The following ITGBL1 variants were observed in gnomAD, a reference collection of about 807,000 sequenced individuals.
ITGBL1 encodes the protein integrin subunit beta like 1, also known as integrin beta-like protein 1.
ITGBL1 carries 51 observed loss-of-function variants against 68.5 expected under a neutral mutation model. That is an observed-to-expected ratio of 0.74 (90% CI 0.59 to 0.94). ITGBL1 has a LOEUF of 0.94. Ranked by LOEUF, ITGBL1 falls within the 40% of genes least tolerant of loss-of-function variation. The pLI is 0.00. For missense variants in ITGBL1, 649 were observed against 647.4 expected (o/e 1.00, Z -0.03); for synonymous variants, 209 against 227.3 (o/e 0.92, Z 0.72).
intron 2 of ITGBL1, 96 bp downstream of exon 2, chr13:101,454,196 T>A: frequency 1.3e-5 from 10 of 780,866 alleles, no homozygotes; most frequent in Non-Finnish European, 1.7e-5. Flanking sequence ...GGGACACGCC[T>A]CCCTTCACAT....
intron 7 of ITGBL1, among the ~76,000 whole-genome samples, chr13:101,613,575 T>A (rs1485835407): frequency 1.3e-5 from 2 of 151,978 alleles, no homozygotes; most frequent in Non-Finnish European, 2.9e-5. Flanking sequence ...GATTGGAGTA[T>A]TGAAAGTGGG....
chr13:101,628,437 C>CTTT (rs986031242), intron 7 of ITGBL1, among the ~76,000 whole-genome samples: 3 of 139,630 alleles, frequency 2.1e-5, no homozygotes, highest in Non-Finnish European at 4.7e-5. Context: ...TTTTCTTTTT[C>CTTT]TTTTTTTTTT....
chr13:101,558,800 G>T (rs1293888242), intron 2 of ITGBL1, among the ~76,000 whole-genome samples: 2 of 152,114 alleles, frequency 1.3e-5, no homozygotes, highest in East Asian at 3.9e-4. Context: ...AAAATTAAAA[G>T]ATTAACCATC....
At chr13:101,597,901 G>A (rs1179291693) in intron 6 of ITGBL1, among the ~76,000 whole-genome samples, 10 of 151,946 alleles carry the variant, frequency 6.6e-5, no homozygotes, top group Non-Finnish European at 1.5e-4. Flanking sequence ...CATGCACCTG[G>A]AATTTGACAG....
rs538931203 is a variant in ITGBL1, at chr13:101,467,756, C to T, written c.316+13656C>T. On this transcript the variant is annotated intron_variant, in intron 2 of 10. Coordinates refer to ENST00000376180, the MANE Select transcript of ITGBL1 (RefSeq NM_004791.3). ...TCAGTCCCTGTACCAAGAGCCCTAT[C>T]GTTGTAATTGTTTGTACATAGTCAC... 4.8e-4 allele frequency among the ~76,000 whole-genome samples: 73 copies of T among 152,240 alleles called. 1 individual carries two copies. The highest frequency in any genetic ancestry group is 1.7e-3 in the African/African-American group (70 of 41,546).
intron 5 of ITGBL1, among the ~76,000 whole-genome samples, chr13:101,581,190 C>T (rs1279996977): frequency 6.6e-6 from 1 of 152,134 alleles, no homozygotes; most frequent in Non-Finnish European, 1.5e-5. Flanking sequence ...AACAAATGTC[C>T]TCTATTGCCC....
chr13:101,610,074 C>G (rs2139364542), intron 7 of ITGBL1, among the ~76,000 whole-genome samples: 1 of 152,134 alleles, frequency 6.6e-6, no homozygotes, highest in South Asian at 2.1e-4. Flanking sequence ...CCAATTTCTC[C>G]AGGCAAGCTT....
intron 6 of ITGBL1, among the ~76,000 whole-genome samples, chr13:101,594,661 A>G (rs2050712807): frequency 6.6e-6 from 1 of 152,228 alleles, no homozygotes; most frequent in African/African-American, 2.4e-5. Flanking sequence ...GGAATGAGAG[A>G]AAATATTTGC....
At chr13:101,536,258 C>T (rs2049574593) in intron 2 of ITGBL1, among the ~76,000 whole-genome samples, 2 of 152,028 alleles carry the variant, frequency 1.3e-5, no homozygotes, top group South Asian at 4.1e-4. Flanking sequence ...TCCCTGAAGT[C>T]AGGCTTACTA....
intron 2 of ITGBL1, among the ~76,000 whole-genome samples, chr13:101,454,412 C>T (rs868056194): frequency 1.7e-5 from 2 of 119,832 alleles, no homozygotes; most frequent in Non-Finnish European, 3.6e-5. Flanking sequence ...CCCCCCCCCC[C>T]CCCAACTCCT....
At position 101,536,181 on chromosome 13, in the gene ITGBL1, C is replaced by T. The variant is rs903052359; in HGVS notation, c.317-31518C>T. 1.6e-4 allele frequency among the ~76,000 whole-genome samples: 24 copies of T among 151,728 alleles called. 1 individual carries two copies. Among genetic ancestry groups the T allele is most frequent in the African/African-American group, 4.8e-4 (20 of 41,348 alleles). ...GCCCTTTTCTTTTAAAAGGACTCTG[C>T]GTGGCAAATAATCAAAAGACTAGGC... On this transcript the variant is annotated intron_variant, in intron 2 of 10. Coordinates refer to ENST00000376180, the MANE Select transcript of ITGBL1 (RefSeq NM_004791.3).
chr13:101,503,542 G>T (rs956212250), intron 2 of ITGBL1, among the ~76,000 whole-genome samples: 2 of 152,148 alleles, frequency 1.3e-5, no homozygotes, highest in Admixed American at 6.5e-5. Flanking sequence ...TGCAGAGTTT[G>T]TTCATGGTTA....
chr13:101,585,727 G>C (rs2050544416), intron 6 of ITGBL1, among the ~76,000 whole-genome samples: 1 of 152,078 alleles, frequency 6.6e-6, no homozygotes, highest in Non-Finnish European at 1.5e-5. Context: ...ACCTCCCCCG[G>C]CGGCAATGTC....
At chr13:101,576,692 C>T (rs763199468) in intron 4 of ITGBL1, among the ~76,000 whole-genome samples, 3 of 152,158 alleles carry the variant, frequency 2.0e-5, no homozygotes, top group Non-Finnish European at 4.4e-5. Flanking sequence ...GCTTCAATTC[C>T]TGTGAGTCAT....
intron 7 of ITGBL1, among the ~76,000 whole-genome samples, chr13:101,681,497 A>C (rs962707090): frequency 2.6e-5 from 4 of 152,156 alleles, no homozygotes; most frequent in African/African-American, 9.7e-5. Context: ...TTCCTGAATT[A>C]GTTATCTGAG....
intron 7 of ITGBL1, among the ~76,000 whole-genome samples, chr13:101,654,607 G>A (rs1312302049): frequency 1.3e-5 from 2 of 152,258 alleles, no homozygotes; most frequent in African/African-American, 2.4e-5. Flanking sequence ...GAGCTGACTC[G>A]ATGGTGGCAT....
rs573653047 is a variant in ITGBL1, at chr13:101,502,786, T to C, written c.316+48686T>C. 1.5e-4 allele frequency among the ~76,000 whole-genome samples: 23 copies of C among 152,276 alleles called. No individual in the cohort carries two copies. In the South Asian group the frequency reaches 4.6e-3, roughly 30 times the overall value. ...TTACCAGTAAGAATGCCAGAGGCCC[T>C]TTTCCCCTAAATTCTCATGTGCCTC... On this transcript the variant is annotated intron_variant, in intron 2 of 10. Transcript: ENST00000376180.
chr13:101,545,650 A>C (rs1314094112), intron 2 of ITGBL1, among the ~76,000 whole-genome samples: 7 of 152,200 alleles, frequency 4.6e-5, no homozygotes, highest in Admixed American at 4.6e-4. Flanking sequence ...TAGTGCATTC[A>C]AAAGATAAGG....
intron 2 of ITGBL1, 46 bp from the exon 3 acceptor site, chr13:101,567,653 C>G: frequency 1.9e-6 from 3 of 1,588,048 alleles, no homozygotes; most frequent in Non-Finnish European, 2.6e-6. Flanking sequence ...TAGTGGTTAT[C>G]TTTGGAAAAC....
Sources: gnomAD v4.1 joint callset for allele counts (sites outside exome capture counted in the v4.1 genomes callset) on GRCh38, gnomAD v4.1.1 for gene constraint, MANE v1.5 for transcripts, NCBI Gene and HGNC (gene_info 2026-07-23, HGNC 2026-07-21) for gene names.